The following CBX6 variants were observed in gnomAD, a reference collection of about 807,000 sequenced individuals.
The protein encoded by CBX6 is chromobox protein homolog 6.
In CBX6, 7 loss-of-function variants were observed where a neutral mutation model predicts 28.4. That is an observed-to-expected ratio of 0.25 (90% CI 0.14 to 0.46). CBX6 has a LOEUF of 0.46. Ranked by LOEUF, CBX6 falls within the 20% of genes least tolerant of loss-of-function variation. The pLI, the probability that CBX6 is intolerant of heterozygous loss-of-function variation, is 0.99. For missense variants in CBX6, 512 were observed against 606.1 expected (o/e 0.84, Z 1.63); for synonymous variants, 297 against 273.4 (o/e 1.09, Z -0.85).
Position 38,871,593 on chromosome 22 carries a change from C to A in CBX6, c.180-47G>T. ...GGTTAAAAAGAGCCCCTTCCCGGGC[C>A]CCACTCCGCGCTGCCCTCCCCGGCT... On this transcript the variant is annotated intron_variant, in intron 3 of 4. Transcript: ENST00000407418. This position sits in a 1 kb window ranked among gnomAD's most constrained non-coding sequence, Gnocchi z 5.6. 1 of 1,612,498 alleles carries A rather than the reference C, an allele frequency of 6.2e-7. No individual in the cohort carries two copies. The highest frequency in any genetic ancestry group is 8.5e-7 in the Non-Finnish European group (1 of 1,178,852).
chr22:38,868,389 A>G (rs2093175329), intron 4 of CBX6, among the ~76,000 whole-genome samples: 1 of 152,212 alleles, frequency 6.6e-6, no homozygotes, highest in Non-Finnish European at 1.5e-5. Context: ...AGAATGAAAC[A>G]TCAAAGCCCG....
Position 38,866,701 on chromosome 22 carries a change from C to T in CBX6, c.747G>A (p.Lys249=). ...CAGGGCCCGGGGCTGAGGCCTCAGC[C>T]TTGCCGGGGGACGGGGCTACCAGGG... ...PAPLVAPSPG[K]AEASAPGPGL... The change falls in exon 5 of 5, where the codon AAG becomes AAA. Residue 249 remains lysine, a synonymous_variant. Coordinates refer to ENST00000407418, the MANE Select transcript of CBX6 (RefSeq NM_014292.5). This position sits in a 1 kb window ranked among gnomAD's most constrained non-coding sequence, Gnocchi z 7.5. The T allele has an allele frequency of 2.2e-6, 3 of 1,383,856 alleles. No individual in the cohort carries two copies. Among genetic ancestry groups the T allele is most frequent in the Non-Finnish European group, 2.9e-6 (3 of 1,047,800 alleles). 85.7% of individuals were successfully genotyped at this position (1,383,856 alleles called of 1,614,324 possible).
chr22:38,866,611 G>T lies in CBX6; in HGVS notation c.837C>A (p.Pro279=). 2.0e-6 allele frequency: 3 copies of T among 1,513,836 alleles called. No individual in the cohort carries two copies. The highest frequency in any genetic ancestry group is 2.6e-6 in the Non-Finnish European group (3 of 1,134,044). 93.8% of individuals were successfully genotyped at this position (1,513,836 alleles called of 1,614,324 possible). A position where few individuals can be genotyped will look rare whatever the true frequency, so the allele number is the denominator to read the frequency against. The change falls in exon 5 of 5, where the codon CCC becomes CCA. Residue 279 remains proline (P), a synonymous_variant. Transcript: ENST00000407418. The surrounding 1 kb of genome is among the most constrained non-coding windows in gnomAD (Gnocchi z 7.5). The part of the protein sequence containing the change: ...DARSSGSSGC[P]SPTPQSSDPD... ...GGTCAGAGGACTGTGGTGTAGGCGAGGGGCAGCCGGAGGAGCCAGAGCTGC... is the reference window on the plus strand; with the variant it reads ...GGTCAGAGGACTGTGGTGTAGGCGATGGGCAGCCGGAGGAGCCAGAGCTGC...
chr22:38,869,949 T>A (rs539213846), intron 4 of CBX6: 3 of 152,344 alleles, frequency 2.0e-5, no homozygotes, highest in African/African-American at 7.2e-5. Flanking sequence ...GAACAATGTG[T>A]TCAGCCCAAG....
chr22:38,868,345 A>G (rs2093175235), intron 4 of CBX6, among the ~76,000 whole-genome samples: 1 of 152,232 alleles, frequency 6.6e-6, no homozygotes, highest in Admixed American at 6.5e-5. Flanking sequence ...CGAAAGAACC[A>G]CAGAGCCCAG....
In CBX6 at chr22:38,864,615, G is replaced by C. The variant is rs750560797; in HGVS notation, c.*1594C>G. 2 of 152,546 alleles carry C rather than the reference G, an allele frequency of 1.3e-5. No individual in the cohort carries two copies. The highest frequency in any genetic ancestry group is 1.3e-4 in the Admixed American group (2 of 15,288). The allele number at this position is 152,546 out of a possible 1,614,324, so 9.4% of individuals were successfully genotyped here. A position where few individuals can be genotyped will look rare whatever the true frequency, so the allele number is the denominator to read the frequency against. Reference sequence around the variant, plus strand: ...CCGGGGAGGGGAGGGCTAGGGCCACGCTGTGGGCCCTGGCAGGGAGATTGG... The same window carrying C: ...CCGGGGAGGGGAGGGCTAGGGCCACCCTGTGGGCCCTGGCAGGGAGATTGG... On this transcript the variant is annotated 3_prime_UTR_variant, in exon 5 of 5. Coordinates refer to ENST00000407418, the MANE Select transcript of CBX6 (RefSeq NM_014292.5).
rs2093165983 is a variant in CBX6 at position 38,864,915 on chromosome 22, C to G, written c.*1294G>C. 2 of 152,370 alleles carry G rather than the reference C, an allele frequency of 1.3e-5. No individual in the cohort carries two copies. Among genetic ancestry groups the G allele is most frequent in the Admixed American group, 1.3e-4 (2 of 15,294 alleles). The allele number at this position is 152,370 out of a possible 1,614,324, so 9.4% of individuals were successfully genotyped here. ...CTTTGCCTGCCTGCCCTCCCAGGGC[C>G]TGGCCTAAGGCTGGGGCTGTGGCCT... On this transcript the variant is annotated 3_prime_UTR_variant, in exon 5 of 5. Coordinates refer to ENST00000407418, the MANE Select transcript of CBX6 (RefSeq NM_014292.5).
At position 38,866,714 on chromosome 22, in the gene CBX6, G is replaced by C. The variant is rs372769337; in HGVS notation, c.734C>G (p.Pro245Arg). The change falls in exon 5 of 5, where the codon CCG (proline) becomes CGG (arginine). Residue 245 changes from proline to arginine, a missense_variant. Physicochemically the swap from Pro to Arg is moderately radical, Grantham distance 103. Around this residue, in one of 7 missense-constraint regions of CBX6, gnomAD observed 290 missense variants for 274.1 expected, o/e 1.06. Transcript: ENST00000407418. This position sits in a 1 kb window ranked among gnomAD's most constrained non-coding sequence, Gnocchi z 7.5. ...TGAGGCCTCAGCCTTGCCGGGGGAC[G>C]GGGCTACCAGGGGGGCGGGCGGAGG... Reference protein sequence around the residue: ...YKPPPAPLVAPSPGKAEASAP... With the variant: ...YKPPPAPLVARSPGKAEASAP... The C allele has an allele frequency of 1.9e-6, 3 of 1,580,004 alleles. No homozygotes were observed. The highest frequency in any genetic ancestry group is 2.3e-5 in the East Asian group (1 of 44,354).
chr22:38,866,179 C>A lies in CBX6; in HGVS notation c.*30G>T, dbSNP rs1367471115. 6.6e-7 allele frequency: 1 copy of A among 1,505,712 alleles called. No individual in the cohort carries two copies. The highest frequency in any genetic ancestry group is 1.2e-5 in the South Asian group (1 of 83,198). The allele number at this position is 1,505,712 out of a possible 1,614,324, so 93.3% of individuals were successfully genotyped here. On this transcript the variant is annotated 3_prime_UTR_variant, in exon 5 of 5. Coordinates refer to ENST00000407418, the MANE Select transcript of CBX6 (RefSeq NM_014292.5). The surrounding 1 kb of genome is among the most constrained non-coding windows in gnomAD (Gnocchi z 7.5). ...AGTATGACTTCGGGCAGGAGGGCCC[C>A]CCCAAGCCCCCCTCCTTGGTGGAGC...
chr22:38,867,133 G>A lies in CBX6; in HGVS notation c.315C>T (p.Ala105=), dbSNP rs769670797. Residue 105 remains alanine, a synonymous_variant, in exon 5 of 5, where the codon GCC becomes GCT. Transcript: ENST00000407418. ...VHFSVKPSAS[A]SSPKLHSSAA... ...CGCTGGAGTGCAGCTTGGGCGAGGA[G>A]GCACTGGCGCTCGGCTTGACAGAGA... The A allele has an allele frequency of 6.3e-7, 1 of 1,579,862 alleles. No homozygotes were observed. The highest frequency in any genetic ancestry group is 8.6e-7 in the Non-Finnish European group (1 of 1,166,224).
At chr22:38,868,303 G>A (rs751155826) in intron 4 of CBX6, among the ~76,000 whole-genome samples, 1 of 152,202 alleles carries the variant, frequency 6.6e-6, no homozygotes, top group Non-Finnish European at 1.5e-5. Flanking sequence ...GGAGGACGGT[G>A]GGCAGTGGGA....
Position 38,871,574 on chromosome 22 carries a change from A to G in CBX6, c.180-28T>C. Reference sequence around the variant, plus strand: ...GCGGCCGAAAAACACCAGAGGTTAAAAAGAGCCCCTTCCCGGGCCCCACTC... The same window carrying G: ...GCGGCCGAAAAACACCAGAGGTTAAGAAGAGCCCCTTCCCGGGCCCCACTC... On this transcript the variant is annotated intron_variant, in intron 3 of 4. Coordinates refer to ENST00000407418, the MANE Select transcript of CBX6 (RefSeq NM_014292.5). This position sits in a 1 kb window ranked among gnomAD's most constrained non-coding sequence, Gnocchi z 5.6. The G allele has an allele frequency of 6.2e-7, 1 of 1,613,594 alleles. No individual in the cohort carries two copies. Among genetic ancestry groups the G allele is most frequent in the Non-Finnish European group, 8.5e-7 (1 of 1,179,716 alleles).
Position 38,871,137 on chromosome 22 carries a change from C to A in CBX6, c.246+343G>T. ...CACTCTCCCCCTGGGTTCCAACTCC[C>A]AGCACAGTCATAACAGCTCAAACAA... On this transcript the variant is annotated intron_variant, in intron 4 of 4. Coordinates refer to ENST00000407418, the MANE Select transcript of CBX6 (RefSeq NM_014292.5). This position sits in a 1 kb window ranked among gnomAD's most constrained non-coding sequence, Gnocchi z 5.6. 3.0e-6 allele frequency: 1 copy of A among 334,328 alleles called. No homozygotes were observed. The highest frequency in any genetic ancestry group is 5.6e-6 in the Non-Finnish European group (1 of 179,796). 20.7% of individuals were successfully genotyped at this position (334,328 alleles called of 1,614,324 possible).
intron 4 of CBX6, 27 bp from the exon 5 acceptor site, chr22:38,867,228 G>GGGGGGGGC: frequency 7.7e-6 from 4 of 518,864 alleles, no homozygotes; most frequent in Admixed American, 2.4e-5. Flanking sequence ...GGGTGGGTGG[G>GGGGGGGGC]ACCTCAGGAC....
Position 38,871,333 on chromosome 22 carries a change from T to A in CBX6, c.246+147A>T. 1.4e-6 allele frequency: 1 copy of A among 732,984 alleles called. No individual in the cohort carries two copies. Among genetic ancestry groups the A allele is most frequent in the Non-Finnish European group, 2.3e-6 (1 of 433,698 alleles). 45.4% of individuals were successfully genotyped at this position (732,984 alleles called of 1,614,324 possible). ...TGCCATCAGGGGCTTCTGGGGGGGC[T>A]CACAACCACCCCCTGCCCAGCTGGG... On this transcript the variant is annotated intron_variant, in intron 4 of 4. Coordinates refer to ENST00000407418, the MANE Select transcript of CBX6 (RefSeq NM_014292.5). This position sits in a 1 kb window ranked among gnomAD's most constrained non-coding sequence, Gnocchi z 5.6.
chr22:38,869,537 TCTTA>T lies in CBX6; in HGVS notation c.246+1939_246+1942del, dbSNP rs1230544540. ...TGTATGCTTGGCATACATTGACATT[TCTTA>T]CTTTATACTTTCTATATATTATTAT... On this transcript the variant is annotated intron_variant, in intron 4 of 4. Transcript: ENST00000407418. 7.9e-5 allele frequency: 12 copies of T among 152,300 alleles called. No individual in the cohort carries two copies. In the East Asian group the frequency reaches 2.1e-3, roughly 27 times the overall value. 9.4% of individuals were successfully genotyped at this position (152,300 alleles called of 1,614,324 possible).
rs2093167054 is a variant in CBX6, at chr22:38,865,370, C to T, written c.*839G>A. 6.5e-6 allele frequency: 1 copy of T among 152,718 alleles called. No homozygotes were observed. Among genetic ancestry groups the T allele is most frequent in the Non-Finnish European group, 1.5e-5 (1 of 68,146 alleles). 9.5% of individuals were successfully genotyped at this position (152,718 alleles called of 1,614,324 possible). On this transcript the variant is annotated 3_prime_UTR_variant, in exon 5 of 5. Transcript: ENST00000407418. Reference sequence around the variant, plus strand: ...AGAGGCAGTCCAGGCCTTCAATGCCCCTGTTCAAAGGAACTGTAAAGGGTG... The same window carrying T: ...AGAGGCAGTCCAGGCCTTCAATGCCTCTGTTCAAAGGAACTGTAAAGGGTG...
At position 38,866,986 on chromosome 22, in the gene CBX6, C is replaced by G; in HGVS notation, c.462G>C (p.Ser154=). Reference sequence around the variant, plus strand: ...TGCGGTTGATGATGCGCACCGTCTCCGAGAAGGGCGAAATGGGCGGGCGCA... The same window carrying G: ...TGCGGTTGATGATGCGCACCGTCTCGGAGAAGGGCGAAATGGGCGGGCGCA... ...PGLRPPISPF[S]ETVRIINRKV... is the part of the protein sequence containing the mutation. Residue 154 remains serine (S), a synonymous_variant, in exon 5 of 5, where the codon TCG becomes TCC. Coordinates refer to ENST00000407418, the MANE Select transcript of CBX6 (RefSeq NM_014292.5). The surrounding 1 kb of genome is among the most constrained non-coding windows in gnomAD (Gnocchi z 7.5). 1 of 1,608,308 alleles carries G rather than the reference C, an allele frequency of 6.2e-7. No homozygotes were observed.
chr22:38,871,824 A>G lies in CBX6; in HGVS notation c.114-67T>C. On this transcript the variant is annotated intron_variant, in intron 2 of 4. Transcript: ENST00000407418. This position sits in a 1 kb window ranked among gnomAD's most constrained non-coding sequence, Gnocchi z 5.6. ...GAGGGACAGGCACGCGGCGAGAGCA[A>G]GAGCGCGCACCCCCACCCCAGGCCC... 3 of 1,582,652 alleles carry G rather than the reference A, an allele frequency of 1.9e-6. No homozygotes were observed. Among genetic ancestry groups the G allele is most frequent in the Non-Finnish European group, 2.6e-6 (3 of 1,161,908 alleles).
Sources: allele counts gnomAD v4.1 joint callset (sites outside exome capture counted in the v4.1 genomes callset), GRCh38; gene constraint gnomAD v4.1.1; regional missense constraint gnomAD v4.1.1; non-coding constraint Gnocchi (gnomAD v3.1); transcripts MANE v1.5; gene names NCBI Gene and HGNC (gene_info 2026-07-23, HGNC 2026-07-21).